The following PTPRH variants were observed in gnomAD, a reference collection of about 807,000 sequenced individuals.
PTPRH encodes the protein protein tyrosine phosphatase receptor type H.
PTPRH carries 113 observed loss-of-function variants against 130.2 expected under a neutral mutation model. The observed-to-expected ratio is 0.87, with a 90% CI of 0.75 to 1.01. The LOEUF (loss-of-function observed/expected upper bound fraction) is 1.01, where lower values mean the gene tolerates loss of function less well. PTPRH is among the 50% of genes least tolerant of loss of function. The pLI is 0.00. For missense variants in PTPRH, 1,430 were observed against 1,425.0 expected, an observed-to-expected ratio of 1.00 and a Z score of -0.06; for synonymous variants, 556 against 577.9, an observed-to-expected ratio of 0.96 and a Z score of 0.54.
chr19:55,190,428 C>T (rs942277714), intron 12 of PTPRH, among the ~76,000 whole-genome samples: 8 of 142,942 alleles, frequency 5.6e-5, no homozygotes, highest in South Asian at 2.1e-4. Context: ...CCTCCTTTTG[C>T]CTTGTCTCCA....
rs1439180067 is a variant in PTPRH, at chr19:55,182,044, T to A, written c.3170A>T (p.Glu1057Val). ...AGTCTGCACCATCAACGGCCGACTC[T>A]CTCTCATCTTCCTTACAAAGCTGAA... ...GPFSFVRKMRESRPLMVQTEA... is the reference protein window; with the variant it reads ...GPFSFVRKMRVSRPLMVQTEA... Residue 1057 changes from glutamate to valine, a missense_variant, in exon 19 of 20, where the codon GAG (glutamate) becomes GTG (valine). Coordinates refer to ENST00000376350, the MANE Select transcript of PTPRH (RefSeq NM_002842.5). 1 of 1,614,048 alleles carries A rather than the reference T, an allele frequency of 6.2e-7. No homozygotes were observed. The highest frequency in any genetic ancestry group is 1.1e-5 in the South Asian group (1 of 91,076).
rs187205142 is a variant in PTPRH at position 55,202,621 on chromosome 19, A to C, written c.887-299T>G. Among the ~76,000 whole-genome samples the C allele has an allele frequency of 8.0e-3, 1,222 of 152,178 alleles. 10 individuals carry two copies. Among genetic ancestry groups the C allele is most frequent in the African/African-American group, 0.027 (1,101 of 41,524 alleles). On this transcript the variant is annotated intron_variant, in intron 5 of 19. Transcript: ENST00000376350. ...CACACACACACACACATATATATACACATACACATATATATACACACACAT... is the reference window on the plus strand; with the variant it reads ...CACACACACACACACATATATATACCCATACACATATATATACACACACAT...
rs1041344906 is a variant in PTPRH at position 55,194,407 on chromosome 19, G to A, written c.2257+2115C>T. On this transcript the variant is annotated intron_variant, in intron 10 of 19. Coordinates refer to ENST00000376350, the MANE Select transcript of PTPRH (RefSeq NM_002842.5). ...CTCACAGAATTGGACTAGAGGACCT[G>A]TTCTCTCAGGGATCCTTGTTACTAA... The A allele has an allele frequency of 1.0e-5, 11 of 1,088,972 alleles. No homozygotes were observed. The African/African-American group carries it at 1.7e-4, about 17-fold the overall frequency. The allele number at this position is 1,088,972 out of a possible 1,614,324, so 67.5% of individuals were successfully genotyped here. A position where few individuals can be genotyped will look rare whatever the true frequency, so the allele number is the denominator to read the frequency against.
rs948500584 is a variant in PTPRH, at chr19:55,198,801, G to A, written c.1532C>T (p.Ser511Leu). 6.2e-7 allele frequency: 1 copy of A among 1,612,584 alleles called. No individual in the cohort carries two copies. The highest frequency in any genetic ancestry group is 8.5e-7 in the Non-Finnish European group (1 of 1,179,130). ...GTCAGTCATGCCTTCCCTGACCCAT[G>A]AGACCCAGTAGCTGTAGGAAGACTG... ...PGQSSYSYWVSWVREGMTDPR... is the reference protein window; with the variant it reads ...PGQSSYSYWVLWVREGMTDPR... The change falls in exon 8 of 20, where the codon TCA becomes TTA. Residue 511 changes from serine to leucine, a missense_variant. Transcript: ENST00000376350.
In PTPRH at chr19:55,206,786, G is replaced by A. The variant is rs748588378; in HGVS notation, c.255C>T (p.Thr85=). Reference sequence around the variant, plus strand: ...ATGACCCGGGTCCAAGGCCATCCACGGTGACGTTGGTGGCTGTTGTGTTTC... The same window carrying A: ...ATGACCCGGGTCCAAGGCCATCCACAGTGACGTTGGTGGCTGTTGTGTTTC... ...ETRNTTATNV[T]VDGLGPGSLY... is the part of the protein sequence containing the mutation. The change falls in exon 3 of 20, where the codon ACC becomes ACT. Residue 85 remains threonine (T), a synonymous_variant. Coordinates refer to ENST00000376350, the MANE Select transcript of PTPRH (RefSeq NM_002842.5). The A allele has an allele frequency of 9.3e-6, 15 of 1,613,996 alleles. No individual in the cohort carries two copies. The highest frequency in any genetic ancestry group is 2.7e-5 in the African/African-American group (2 of 74,886).
Position 55,200,178 on chromosome 19 carries a change from G to A in PTPRH, c.1420+58C>T, listed in dbSNP as rs564528402. 3.2e-5 allele frequency: 51 copies of A among 1,585,940 alleles called. No individual in the cohort carries two copies. In the South Asian group the frequency reaches 3.9e-4, roughly 12 times the overall value. ...CAGAGCCCAGAAGAGGTGCCACGCC[G>A]CTCCTGCTGGTTCTTAACCTCTCAC... On this transcript the variant is annotated intron_variant, in intron 7 of 19. Coordinates refer to ENST00000376350, the MANE Select transcript of PTPRH (RefSeq NM_002842.5).
rs1009083860 is a variant in PTPRH, at chr19:55,196,600, A to G, written c.2179T>C (p.Tyr727His). The change falls in exon 10 of 20, where the codon TAC becomes CAC. Residue 727 changes from tyrosine (Y) to histidine (H), a missense_variant. Tyr to His is a moderately conservative substitution (Grantham distance 83). Coordinates refer to ENST00000376350, the MANE Select transcript of PTPRH (RefSeq NM_002842.5). The stretch of plus-strand genomic sequence containing the variant: ...CAGATGGTCGTGATGGTGGCTGGGT[A>G]GGACCGAGCCGGCCCGAGACCCAAC... Reference protein sequence around the residue: ...SVLGLGPARSYPATITTIWDG... With the variant: ...SVLGLGPARSHPATITTIWDG... 1 of 1,613,846 alleles carries G rather than the reference A, an allele frequency of 6.2e-7. No individual in the cohort carries two copies.
intron 7 of PTPRH, 145 bp downstream of exon 7, chr19:55,200,091 G>T: frequency 1.0e-6 from 1 of 954,700 alleles, no homozygotes; most frequent in Non-Finnish European, 1.5e-6. Flanking sequence ...CCCCAGCTGT[G>T]ATTACATCTG....
rs1487170120 is a variant in PTPRH at position 55,202,440 on chromosome 19, C to T, written c.887-118G>A. ...CAGGGAGGCCCAGTTCTGCACTGTC[C>T]AGTGTGGCAGCCACGAGTTCCACGT... On this transcript the variant is annotated intron_variant, in intron 5 of 19. Transcript: ENST00000376350. The T allele has an allele frequency of 4.9e-6, 7 of 1,433,776 alleles. No homozygotes were observed. The African/African-American group carries it at 7.2e-5, about 15-fold the overall frequency. 88.8% of individuals were successfully genotyped at this position (1,433,776 alleles called of 1,614,324 possible). A position where few individuals can be genotyped will look rare whatever the true frequency, so the allele number is the denominator to read the frequency against.
At position 55,205,570 on chromosome 19, in the gene PTPRH, C is replaced by T; in HGVS notation, c.375G>A (p.Leu125=). 6.2e-7 allele frequency: 1 copy of T among 1,614,226 alleles called. No individual in the cohort carries two copies. Among genetic ancestry groups the T allele is most frequent in the African/African-American group, 1.3e-5 (1 of 75,074 alleles). Residue 125 remains leucine (L), a synonymous_variant, in exon 4 of 20, where the codon CTG becomes CTA. Coordinates refer to ENST00000376350, the MANE Select transcript of PTPRH (RefSeq NM_002842.5). ...TATAPNPVRN[L]RVEAQTNSSI... is the part of the protein sequence containing the mutation. ...AGCTGTTGGTCTGAGCCTCCACTCT[C>T]AGGTTCCTCACTGGGTTGGGAGCTG...
chr19:55,202,675 T>TA (rs1568922546), intron 5 of PTPRH, among the ~76,000 whole-genome samples: 35 of 150,194 alleles, frequency 2.3e-4, no homozygotes, highest in African/African-American at 4.9e-4. Flanking sequence ...ATATATATAT[T>TA]TTGTGGGTAT....
chr19:55,206,323 CTTTTCT>C (rs2087052575), intron 3 of PTPRH, among the ~76,000 whole-genome samples: 5 of 136,816 alleles, frequency 3.7e-5, no homozygotes, highest in Admixed American at 1.5e-4. Flanking sequence ...CTTTTGTTTT[CTTTTCT>C]TTTTTTTTTT....
At position 55,197,377 on chromosome 19, in the gene PTPRH, G is replaced by A; in HGVS notation, c.1730C>T (p.Thr577Ile). The A allele has an allele frequency of 6.2e-7, 1 of 1,613,832 alleles. No homozygotes were observed. The highest frequency in any genetic ancestry group is 8.5e-7 in the Non-Finnish European group (1 of 1,179,690). ...EVTDLQNETQ[T>I]KNSVMLWWKA... Reference sequence around the variant, plus strand: ...CCACCACAGCATGACTGAGTTCTTAGTCTGAGTTTCATTCTGGAGATCTGT... The same window carrying A: ...CCACCACAGCATGACTGAGTTCTTAATCTGAGTTTCATTCTGGAGATCTGT... The change falls in exon 9 of 20, where the codon ACT (threonine) becomes ATT (isoleucine). Residue 577 changes from threonine (T) to isoleucine (I), a missense_variant. By Grantham distance (89) the Thr-to-Ile change is moderately conservative (BLOSUM62 -1). Transcript: ENST00000376350.
intron 12 of PTPRH, 74 bp downstream of exon 12, chr19:55,191,427 C>G (rs1046307632): frequency 1.4e-5 from 22 of 1,549,674 alleles, no homozygotes; most frequent in Admixed American, 1.7e-5. Flanking sequence ...ACCCTCTGAC[C>G]TAGCTGGCAG....
chr19:55,191,768 T>C, intron 10 of PTPRH, 27 bp from the exon 11 acceptor site: 1 of 1,588,206 alleles, frequency 6.3e-7, no homozygotes, highest in Non-Finnish European at 8.6e-7. Flanking sequence ...TCGGGAACCC[T>C]CAGAGCGCAG....
intron 10 of PTPRH, among the ~76,000 whole-genome samples, chr19:55,192,319 G>C (rs561390680): frequency 2.0e-5 from 3 of 151,708 alleles, no homozygotes; most frequent in Non-Finnish European, 4.4e-5. Flanking sequence ...GGAGAATGGC[G>C]TGAACCCGGG....
In PTPRH at chr19:55,182,097, C is replaced by G. The variant is rs2086193292; in HGVS notation, c.3117G>C (p.Gln1039His). ...GCCCAAGGAGACCCTCGGACTGCAG[C>G]TGCCGGAGCAGGACGTCCAGGGCAA... ...TLIALDVLLR[Q>H]LQSEGLLGPF... Residue 1039 changes from glutamine (Q) to histidine (H), a missense_variant, in exon 19 of 20, where the codon CAG (glutamine) becomes CAC (histidine). By Grantham distance (24) the Gln-to-His change is conservative. Coordinates refer to ENST00000376350, the MANE Select transcript of PTPRH (RefSeq NM_002842.5). The G allele has an allele frequency of 6.2e-7, 1 of 1,614,038 alleles. No individual in the cohort carries two copies. Among genetic ancestry groups the G allele is most frequent in the Non-Finnish European group, 8.5e-7 (1 of 1,180,036 alleles).
chr19:55,190,171 C>A (rs2086482796), intron 12 of PTPRH, among the ~76,000 whole-genome samples: 1 of 151,842 alleles, frequency 6.6e-6, no homozygotes, highest in African/African-American at 2.4e-5. Flanking sequence ...GAGTTCAAGA[C>A]CAGCCTGGCC....
At chr19:55,196,179 G>C (rs2086674375) in intron 10 of PTPRH, among the ~76,000 whole-genome samples, 2 of 152,106 alleles carry the variant, frequency 1.3e-5, no homozygotes, top group Non-Finnish European at 2.9e-5. Flanking sequence ...CCTGAGGTCA[G>C]GAGTTCGAGA....
Sources: gnomAD v4.1 joint callset for allele counts (sites outside exome capture counted in the v4.1 genomes callset) on GRCh38, gnomAD v4.1.1 for gene constraint, MANE v1.5 for transcripts, NCBI Gene and HGNC (gene_info 2026-07-23, HGNC 2026-07-21) for gene names.